Variants in RORA observed in about 807,000 individuals in gnomAD.
The protein encoded by RORA is RAR related orphan receptor A.
Under a neutral mutation model 69.5 loss-of-function variants are expected in RORA, and 7 were observed. The observed-to-expected ratio is 0.10, with a 90% CI of 0.06 to 0.19. RORA has a LOEUF of 0.19. Among genes scored for constraint, RORA ranks in the 10% least tolerant of loss-of-function variants. The probability of loss-of-function intolerance (pLI) is 1.00; values close to 1 mark genes in which losing one functional copy is unlikely to be tolerated. For synonymous variants in RORA, 261 were observed against 240.8 expected (o/e 1.08, Z -0.78); for missense variants, 457 against 663.0 (o/e 0.69, Z 3.41).
intron 2 of RORA, among the ~76,000 whole-genome samples, chr15:60,612,455 G>T (rs986776541): frequency 3.9e-5 from 6 of 152,158 alleles, no homozygotes; most frequent in African/African-American, 1.4e-4. Flanking sequence ...TGAAGCCTGA[G>T]GTTAGAGTCA....
intron 1 of RORA, among the ~76,000 whole-genome samples, chr15:60,989,082 T>C (rs1340364646): frequency 6.6e-6 from 1 of 152,226 alleles, no homozygotes; most frequent in African/African-American, 2.4e-5. Context: ...GTCCATCAGA[T>C]GCAATTAGCC....
chr15:60,796,629 A>T (rs554635075), intron 1 of RORA, among the ~76,000 whole-genome samples: 5 of 152,202 alleles, frequency 3.3e-5, no homozygotes, highest in Non-Finnish European at 7.3e-5. Flanking sequence ...CCCCTCAATA[A>T]ATCAAACATA....
chr15:61,181,790 A>C (rs17204938), intron 1 of RORA, among the ~76,000 whole-genome samples: 3,352 of 152,036 alleles, frequency 0.022, 55 homozygotes, highest in Middle Eastern at 0.041. Flanking sequence ...AATATGGGAG[A>C]GATGTCTGCA....
At chr15:61,227,764 G>C (rs1268318638) in intron 1 of RORA, among the ~76,000 whole-genome samples, 1 of 152,198 alleles carries the variant, frequency 6.6e-6, no homozygotes, top group African/African-American at 2.4e-5. Flanking sequence ...GCCGGGGCTG[G>C]AGAAATCCTC....
At chr15:61,079,886 T>A (rs560118153) in intron 1 of RORA, among the ~76,000 whole-genome samples, 1 of 152,342 alleles carries the variant, frequency 6.6e-6, no homozygotes, top group South Asian at 2.1e-4. Context: ...TTATTTCCTG[T>A]GCGACCATGA....
chr15:61,155,493 G>A (rs919743456), intron 1 of RORA, among the ~76,000 whole-genome samples: 2 of 152,144 alleles, frequency 1.3e-5, no homozygotes, highest in Non-Finnish European at 1.5e-5. Flanking sequence ...AAAACAGAAG[G>A]TTAATGAACA....
intron 1 of RORA, among the ~76,000 whole-genome samples, chr15:60,746,735 C>T (rs1366535402): frequency 6.6e-6 from 1 of 152,154 alleles, no homozygotes; most frequent in African/African-American, 2.4e-5. Context: ...AGAGGGTGTA[C>T]AATTACATGG....
At chr15:60,907,553 C>A (rs759886135) in intron 1 of RORA, among the ~76,000 whole-genome samples, 5 of 152,162 alleles carry the variant, frequency 3.3e-5, no homozygotes, top group African/African-American at 1.2e-4. Flanking sequence ...GTGAATTATT[C>A]GTGCTAGAAG....
chr15:60,671,255 A>C (rs2070465140), intron 2 of RORA, among the ~76,000 whole-genome samples: 2 of 151,912 alleles, frequency 1.3e-5, no homozygotes, highest in Admixed American at 1.3e-4. Context: ...ATTTATTATA[A>C]ATGTCATTAA....
chr15:60,694,689 C>G (rs1427024631), intron 1 of RORA, among the ~76,000 whole-genome samples: 3 of 152,176 alleles, frequency 2.0e-5, no homozygotes, highest in Admixed American at 6.5e-5. Context: ...GCATGTGGAT[C>G]AATCCTGCCA....
At position 60,493,664 on chromosome 15, in the gene RORA, T is replaced by A. The variant is rs1157382285; in HGVS notation, c.*3791A>T. Reference sequence around the variant, plus strand: ...GTTTGTTTGTTTGTATTTTTTTTTTTAGAAAATTACATTACTTTCTTTCTT... The same window carrying A: ...GTTTGTTTGTTTGTATTTTTTTTTTAAGAAAATTACATTACTTTCTTTCTT... On this transcript the variant is annotated 3_prime_UTR_variant, in exon 11 of 11. Transcript: ENST00000335670. 5 of 152,088 alleles carry A rather than the reference T, an allele frequency of 3.3e-5. No homozygotes were observed. In the East Asian group the frequency reaches 9.6e-4, roughly 29 times the overall value. 9.4% of individuals were successfully genotyped at this position (152,088 alleles called of 1,614,324 possible).
chr15:61,065,567 T>C (rs373903359), intron 1 of RORA, among the ~76,000 whole-genome samples: 1 of 152,192 alleles, frequency 6.6e-6, no homozygotes, highest in Non-Finnish European at 1.5e-5. Flanking sequence ...ATCTCTTTAA[T>C]AAATAAATAG....
chr15:60,718,548 AT>A (rs1476931535), intron 1 of RORA, among the ~76,000 whole-genome samples: 1 of 152,212 alleles, frequency 6.6e-6, no homozygotes, highest in East Asian at 1.9e-4. Flanking sequence ...ATCACATTCG[AT>A]TGAATAACGG....
intron 1 of RORA, among the ~76,000 whole-genome samples, chr15:60,803,872 G>A (rs1214892730): frequency 6.6e-6 from 1 of 152,072 alleles, no homozygotes; most frequent in Admixed American, 6.5e-5. Context: ...TTACACATTC[G>A]GCAGGGAAAT....
chr15:60,712,648 C>A (rs1307106036), intron 1 of RORA, among the ~76,000 whole-genome samples: 1 of 152,198 alleles, frequency 6.6e-6, no homozygotes, highest in Non-Finnish European at 1.5e-5. Flanking sequence ...AGCTCTGGTA[C>A]TTGTTCCCGA....
chr15:60,773,375 G>A (rs373458585), intron 1 of RORA, among the ~76,000 whole-genome samples: 7 of 152,100 alleles, frequency 4.6e-5, no homozygotes, highest in African/African-American at 1.7e-4. Context: ...AACCGTTTGA[G>A]GATATAGTAT....
intron 2 of RORA, among the ~76,000 whole-genome samples, chr15:60,673,189 G>A (rs2070500593): frequency 6.6e-6 from 1 of 152,188 alleles, no homozygotes; most frequent in Non-Finnish European, 1.5e-5. Context: ...TGAATCAACT[G>A]GATGTTGGGA....
intron 1 of RORA, among the ~76,000 whole-genome samples, chr15:60,957,196 C>T (rs181168753): frequency 6.6e-4 from 101 of 152,302 alleles, no homozygotes; most frequent in Non-Finnish European, 2.8e-4. Flanking sequence ...TTAGAATATG[C>T]GTTCAAGTAA....
chr15:60,731,764 A>C (rs1196701644), intron 1 of RORA, among the ~76,000 whole-genome samples: 1 of 152,210 alleles, frequency 6.6e-6, no homozygotes, highest in African/African-American at 2.4e-5. Flanking sequence ...TTAGTGCCCA[A>C]AATGAAATAC....
Sources: allele counts gnomAD v4.1 joint callset (sites outside exome capture counted in the v4.1 genomes callset), GRCh38; gene constraint gnomAD v4.1.1; transcripts MANE v1.5; gene names NCBI Gene and HGNC (gene_info 2026-07-23, HGNC 2026-07-21).